ROBO1: variants seen among roughly 807,000 people sequenced by gnomAD.
ROBO1 encodes the protein roundabout homolog 1.
A neutral mutation model predicts 195.9 loss-of-function variants in ROBO1; 149 were observed. That is an observed-to-expected ratio of 0.76 (90% confidence interval 0.67 to 0.87). The LOEUF (loss-of-function observed/expected upper bound fraction) is 0.87, where lower values mean the gene tolerates loss of function less well. Ranked by LOEUF, ROBO1 falls within the 40% of genes least tolerant of loss-of-function variation. The pLI is 0.00. For synonymous variants in ROBO1, 816 were observed against 733.2 expected (o/e 1.11, Z -1.82); for missense variants, 1,933 against 2,068.3 (o/e 0.93, Z 1.27).
intron 4 of ROBO1, among the ~76,000 whole-genome samples, chr3:78,932,713 A>G (rs1576421907): frequency 6.6e-6 from 1 of 152,298 alleles, no homozygotes; most frequent in East Asian, 1.9e-4. Context: ...ATACCTGCTT[A>G]TAGGATCGTT....
At chr3:79,100,028 C>G (rs2079646974) in intron 3 of ROBO1, among the ~76,000 whole-genome samples, 1 of 151,634 alleles carries the variant, frequency 6.6e-6, no homozygotes, top group Admixed American at 6.6e-5. Context: ...GAAAGAAATA[C>G]CATGAAATTT....
At position 78,884,644 on chromosome 3, in the gene ROBO1, AAAGAAAGGAAGGAAGG is replaced by A. The variant is rs1479410515; in HGVS notation, c.499+53941_499+53956del. 1.7e-4 allele frequency among the ~76,000 whole-genome samples: 14 copies of A among 81,048 alleles called. No homozygotes were observed. In the South Asian group the frequency reaches 1.9e-3, roughly 11 times the overall value. 53.2% of individuals were successfully genotyped at this position (81,048 alleles called of 152,430 possible). A position where few individuals can be genotyped will look rare whatever the true frequency, so the allele number is the denominator to read the frequency against. On this transcript the variant is annotated intron_variant, in intron 4 of 30. Transcript: ENST00000464233. The stretch of plus-strand genomic sequence containing the variant: ...AAGAGAGAAAGAAAGAGAAAGAAAG[AAAGAAAGGAAGGAAGG>A]AAGGAAGGAAGGAAGGAAGGAAGGA...
chr3:79,011,512 G>T (rs2077775534), intron 3 of ROBO1, among the ~76,000 whole-genome samples: 1 of 151,930 alleles, frequency 6.6e-6, no homozygotes, highest in African/African-American at 2.4e-5. Flanking sequence ...TTGGCTTCAT[G>T]TTCTTTTCCT....
intron 1 of ROBO1, among the ~76,000 whole-genome samples, chr3:79,619,852 A>G (rs996114585): frequency 3.3e-5 from 5 of 152,154 alleles, no homozygotes. Context: ...TGTAAGAAAA[A>G]GGTCCAAAAA....
chr3:78,810,264 G>A (rs755630898), intron 4 of ROBO1, among the ~76,000 whole-genome samples: 2 of 152,126 alleles, frequency 1.3e-5, no homozygotes. Context: ...TTTTTGGCTG[G>A]TTCACTCCAA....
At chr3:79,360,777 T>C (rs1030023502) in intron 2 of ROBO1, among the ~76,000 whole-genome samples, 1 of 152,078 alleles carries the variant, frequency 6.6e-6, no homozygotes, top group African/African-American at 2.4e-5. Context: ...TTCACAAAGC[T>C]GGCTCCATAT....
intron 1 of ROBO1, among the ~76,000 whole-genome samples, chr3:79,661,690 A>G (rs993367368): frequency 1.3e-5 from 2 of 151,992 alleles, no homozygotes; most frequent in African/African-American, 4.8e-5. Flanking sequence ...TAGAGATTTT[A>G]CAGTGTAGTA....
chr3:78,984,296 C>T (rs543773319), intron 3 of ROBO1, among the ~76,000 whole-genome samples: 9 of 152,020 alleles, frequency 5.9e-5, no homozygotes, highest in Admixed American at 3.3e-4. Flanking sequence ...TGAGGCAGTC[C>T]GACTCCTGAG....
intron 1 of ROBO1, among the ~76,000 whole-genome samples, chr3:79,726,762 T>C (rs1702943664): frequency 6.6e-6 from 1 of 152,194 alleles, no homozygotes; most frequent in African/African-American, 2.4e-5. Context: ...AATACATTTT[T>C]CAATCGACAT....
chr3:79,590,603 T>C (rs1382926112), intron 1 of ROBO1, among the ~76,000 whole-genome samples: 1 of 151,752 alleles, frequency 6.6e-6, no homozygotes, highest in East Asian at 1.9e-4. Context: ...CAAAAATATA[T>C]GCAGGTGACT....
intron 3 of ROBO1, among the ~76,000 whole-genome samples, chr3:78,958,403 A>G (rs1351489226): frequency 2.6e-5 from 4 of 152,228 alleles, no homozygotes; most frequent in Non-Finnish European, 5.9e-5. Flanking sequence ...TATTCAAGTT[A>G]TAATTCTTAT....
intron 2 of ROBO1, among the ~76,000 whole-genome samples, chr3:79,499,117 C>T (rs893821732): frequency 6.6e-6 from 1 of 152,124 alleles, no homozygotes; most frequent in African/African-American, 2.4e-5. Context: ...GCCTCAGCCT[C>T]CTGAGTACCT....
intron 1 of ROBO1, among the ~76,000 whole-genome samples, chr3:79,652,734 C>T: frequency 6.6e-6 from 1 of 151,826 alleles, no homozygotes; most frequent in African/African-American, 2.4e-5. Context: ...TGAGTATTTG[C>T]TATTGTTTTA....
chr3:79,755,025 T>C (rs112811754), intron 1 of ROBO1, among the ~76,000 whole-genome samples: 8,897 of 151,946 alleles, frequency 0.059, 360 homozygotes, highest in Middle Eastern at 0.11. Context: ...GGATTACAGG[T>C]ATGCACCACC....
chr3:78,915,771 C>A (rs1019898427), intron 4 of ROBO1, among the ~76,000 whole-genome samples: 5 of 151,962 alleles, frequency 3.3e-5, no homozygotes, highest in Non-Finnish European at 7.4e-5. Flanking sequence ...AATCTTCCCA[C>A]GTCAGCCACC....
rs949976356 is a variant in ROBO1 at position 79,398,605 on chromosome 3, G to T, written c.88+191219C>A. ...TAGCTTCTAGGCTCAGTTAATGACA[G>T]AATTTTTGCCTACATGAATTCTCAG... On this transcript the variant is annotated intron_variant, in intron 2 of 30. Transcript: ENST00000464233. Among the ~76,000 whole-genome samples the T allele has an allele frequency of 5.9e-5, 9 of 152,030 alleles. 1 individual carries two copies. Among genetic ancestry groups the T allele is most frequent in the African/African-American group, 2.2e-4 (9 of 41,410 alleles).
intron 8 of ROBO1, among the ~76,000 whole-genome samples, chr3:78,697,120 A>G (rs980799567): frequency 3.9e-5 from 6 of 151,964 alleles, no homozygotes; most frequent in Non-Finnish European, 8.8e-5. Flanking sequence ...TTTGAATGTG[A>G]TATCATAGGT....
intron 2 of ROBO1, among the ~76,000 whole-genome samples, chr3:79,502,328 G>T (rs904128379): frequency 1.8e-4 from 28 of 152,160 alleles, no homozygotes; most frequent in Non-Finnish European, 3.1e-4. Context: ...GTGGGCGGGG[G>T]CTCGGCGAGC....
intron 3 of ROBO1, among the ~76,000 whole-genome samples, chr3:79,052,055 C>G (rs563265860): frequency 6.6e-6 from 1 of 151,972 alleles, no homozygotes; most frequent in Non-Finnish European, 1.5e-5. Flanking sequence ...TCAGGGAACA[C>G]GGGAGATAAC....
Sources: gnomAD v4.1 joint callset for allele counts (sites outside exome capture counted in the v4.1 genomes callset) on GRCh38, gnomAD v4.1.1 for gene constraint, MANE v1.5 for transcripts, NCBI Gene and HGNC (gene_info 2026-07-23, HGNC 2026-07-21) for gene names.